Variants in FHIT observed in about 807,000 individuals in gnomAD.
FHIT encodes fragile histidine triad diadenosine triphosphatase.
Under a neutral mutation model 17.9 loss-of-function variants are expected in FHIT, and 19 were observed. That is an observed-to-expected ratio of 1.06 (90% CI 0.74 to 1.56). The LOEUF is 1.56. FHIT is among the 40% of genes most tolerant of loss of function. The pLI, the probability that FHIT is intolerant of heterozygous loss-of-function variation, is 0.00. For synonymous variants in FHIT, 81 were observed against 69.7 expected (o/e 1.16, Z -0.81); for missense variants, 248 against 189.2 (o/e 1.31, Z -1.82).
Position 60,551,668 on chromosome 3 carries a change from G to A in FHIT, c.-17-14689C>T, listed in dbSNP as rs574352498. ...CCAGCTACTCCAGAGACCATGGCACGAAATGCCTGAGCCTGGGAAGTTGAT... is the reference window on the plus strand; with the variant it reads ...CCAGCTACTCCAGAGACCATGGCACAAAATGCCTGAGCCTGGGAAGTTGAT... On this transcript the variant is annotated intron_variant, in intron 4 of 9. Coordinates refer to ENST00000492590, the MANE Select transcript of FHIT (RefSeq NM_002012.4). 1.6e-4 allele frequency among the ~76,000 whole-genome samples: 23 copies of A among 145,530 alleles called. No homozygotes were observed. In the South Asian group the frequency reaches 4.8e-3, roughly 31 times the overall value.
At chr3:59,852,906 G>C (rs748667925) in intron 8 of FHIT, among the ~76,000 whole-genome samples, 19 of 151,930 alleles carry the variant, frequency 1.3e-4, no homozygotes, top group Admixed American at 2.6e-4. Context: ...ATGTACCACA[G>C]TGTATTTATC....
At chr3:60,595,506 T>C (rs1280321892) in intron 4 of FHIT, among the ~76,000 whole-genome samples, 2 of 114,908 alleles carry the variant, frequency 1.7e-5, no homozygotes, top group Non-Finnish European at 3.5e-5. Flanking sequence ...TATGTGTGTG[T>C]GTGTATATAT....
chr3:61,067,547 G>A (rs1290827451), intron 2 of FHIT, among the ~76,000 whole-genome samples: 1 of 152,068 alleles, frequency 6.6e-6, no homozygotes, highest in African/African-American at 2.4e-5. Flanking sequence ...ACATAGACAT[G>A]GACTTCCCAC....
rs562054371 is a variant in FHIT at position 60,202,981 on chromosome 3, ATTTG to A, written c.104-188833_104-188830del. On this transcript the variant is annotated intron_variant, in intron 5 of 9. Coordinates refer to ENST00000492590, the MANE Select transcript of FHIT (RefSeq NM_002012.4). ...AGCTTAGGATTTCAGTGACAGAATAATTTGTTTGACACATTACAGTTAAAAAAAA... is the reference window on the plus strand; with the variant it reads ...AGCTTAGGATTTCAGTGACAGAATAATTTGACACATTACAGTTAAAAAAAA... Among the ~76,000 whole-genome samples the A allele has an allele frequency of 1.4e-3, 206 of 148,622 alleles. 1 individual carries two copies. The highest frequency in any genetic ancestry group is 5.1e-3 in the African/African-American group (201 of 39,242).
chr3:61,036,951 G>A (rs559550564), intron 3 of FHIT, among the ~76,000 whole-genome samples: 3 of 138,638 alleles, frequency 2.2e-5, no homozygotes, highest in African/African-American at 5.5e-5. Context: ...TCGCTCTTTC[G>A]CCTAGGCCGG....
At chr3:60,059,301 C>T (rs1350316642) in intron 5 of FHIT, among the ~76,000 whole-genome samples, 1 of 152,096 alleles carries the variant, frequency 6.6e-6, no homozygotes, top group Non-Finnish European at 1.5e-5. Context: ...GGGCATTCCA[C>T]TGGAAAAGGG....
At chr3:60,231,163 A>G (rs971177941) in intron 5 of FHIT, among the ~76,000 whole-genome samples, 2 of 152,058 alleles carry the variant, frequency 1.3e-5, no homozygotes, top group African/African-American at 2.4e-5. Flanking sequence ...GGGAGGAAAA[A>G]TTTTTCTCCT....
At chr3:60,340,505 A>G (rs1177504268) in intron 5 of FHIT, among the ~76,000 whole-genome samples, 1 of 152,160 alleles carries the variant, frequency 6.6e-6, no homozygotes, top group Non-Finnish European at 1.5e-5. Flanking sequence ...AACAGATACA[A>G]ATCAAGGGAG....
At chr3:60,776,079 C>T (rs1048027378) in intron 4 of FHIT, among the ~76,000 whole-genome samples, 5 of 152,168 alleles carry the variant, frequency 3.3e-5, no homozygotes, top group Admixed American at 6.5e-5. Flanking sequence ...CACCCACCCC[C>T]AACAACTGTC....
chr3:60,118,927 A>T (rs146920205), intron 5 of FHIT, among the ~76,000 whole-genome samples: 1 of 150,778 alleles, frequency 6.6e-6, no homozygotes, highest in African/African-American at 2.4e-5. Flanking sequence ...AGGCTGAGGC[A>T]GAAGAATCAC....
intron 4 of FHIT, among the ~76,000 whole-genome samples, chr3:60,792,365 TACAC>T (rs1422460532): frequency 1.3e-5 from 2 of 150,474 alleles, no homozygotes; most frequent in African/African-American, 5.0e-5. Context: ...CACACACACT[TACAC>T]AGAGAGAATA....
intron 5 of FHIT, among the ~76,000 whole-genome samples, chr3:60,276,985 G>A (rs1707173523): frequency 6.6e-6 from 1 of 152,030 alleles, no homozygotes; most frequent in Non-Finnish European, 1.5e-5. Context: ...CAACAATGGG[G>A]ATTACATTTC....
At chr3:60,204,665 C>A (rs1310809687) in intron 5 of FHIT, among the ~76,000 whole-genome samples, 1 of 151,876 alleles carries the variant, frequency 6.6e-6, no homozygotes, top group Admixed American at 6.6e-5. Flanking sequence ...TAATAGAAGT[C>A]AGAAAATGTT....
intron 8 of FHIT, among the ~76,000 whole-genome samples, chr3:59,783,293 G>A (rs1408844296): frequency 2.0e-5 from 3 of 152,080 alleles, no homozygotes; most frequent in South Asian, 4.1e-4. Flanking sequence ...ACATGGTGAA[G>A]CCCCTTCTCT....
intron 4 of FHIT, among the ~76,000 whole-genome samples, chr3:60,701,176 T>G (rs1553702014): frequency 6.9e-6 from 1 of 144,620 alleles, no homozygotes; most frequent in African/African-American, 2.6e-5. Context: ...CAGGCTGGAG[T>G]GCAGGGGAGT....
rs185160562 is a variant in FHIT at position 61,185,064 on chromosome 3, T to C, written c.-164+15553A>G. On this transcript the variant is annotated intron_variant, in intron 2 of 9. Transcript: ENST00000492590. ...CCTCAATTCTCAGTTCAAGTATAAA[T>C]AGACTTTTTCCCCCCCACGAAGTAG... is the stretch of plus-strand genomic sequence containing the variant. 1.4e-3 allele frequency among the ~76,000 whole-genome samples: 204 copies of C among 149,782 alleles called. 1 individual carries two copies. The highest frequency in any genetic ancestry group is 4.8e-3 in the African/African-American group (197 of 41,422).
intron 5 of FHIT, among the ~76,000 whole-genome samples, chr3:60,429,594 T>G (rs891782724): frequency 2.0e-5 from 3 of 151,922 alleles, no homozygotes; most frequent in African/African-American, 4.8e-5. Context: ...CGGCCCTGTT[T>G]AAGGGTATCT....
At chr3:59,835,095 A>G (rs193193007) in intron 8 of FHIT, among the ~76,000 whole-genome samples, 2 of 152,250 alleles carry the variant, frequency 1.3e-5, no homozygotes, top group Admixed American at 6.5e-5. Flanking sequence ...TGCAAAGACA[A>G]TCTTTCCCTA....
chr3:60,526,137 T>C (rs7427388), intron 5 of FHIT, among the ~76,000 whole-genome samples: 22 of 148,152 alleles, frequency 1.5e-4, no homozygotes, highest in South Asian at 1.3e-3. Context: ...ACACAACACA[T>C]ACACACACAC....
Sources: allele counts gnomAD v4.1 joint callset (sites outside exome capture counted in the v4.1 genomes callset), GRCh38; gene constraint gnomAD v4.1.1; transcripts MANE v1.5; gene names NCBI Gene and HGNC (gene_info 2026-07-23, HGNC 2026-07-21).